CDC42BPA: variants seen among roughly 807,000 people sequenced by gnomAD.
The protein encoded by CDC42BPA is CDC42 binding protein kinase alpha, also known as serine/threonine-protein kinase MRCK alpha.
CDC42BPA carries 80 observed loss-of-function variants against 223.5 expected under a neutral mutation model. The observed-to-expected ratio is 0.36, with a 90% confidence interval of 0.30 to 0.43. CDC42BPA has a LOEUF of 0.43. Ranked by LOEUF, CDC42BPA falls within the 20% of genes least tolerant of loss-of-function variation. The probability of loss-of-function intolerance (pLI) is 1.00; values close to 1 mark genes in which losing one functional copy is unlikely to be tolerated. For missense variants in CDC42BPA, 1,743 were observed against 2,099.9 expected (o/e 0.83, Z 3.32); for synonymous variants, 694 against 718.6 (o/e 0.97, Z 0.55).
intron 8 of CDC42BPA, among the ~76,000 whole-genome samples, chr1:227,145,057 T>C (rs1317306930): frequency 6.6e-6 from 1 of 152,206 alleles, no homozygotes; most frequent in East Asian, 1.9e-4. Context: ...TCAGCAGTTT[T>C]TCACAAATAA....
At chr1:227,198,403 A>T (rs6669745) in intron 4 of CDC42BPA, among the ~76,000 whole-genome samples, 96,802 of 143,156 alleles carry the variant, frequency 0.68, 33,097 homozygotes, top group South Asian at 0.72. Flanking sequence ...TACAGCAGTT[A>T]GCTCTAATTG....
intron 1 of CDC42BPA, among the ~76,000 whole-genome samples, chr1:227,282,587 A>T (rs539273560): frequency 2.6e-5 from 4 of 152,358 alleles, no homozygotes; most frequent in African/African-American, 9.6e-5. Flanking sequence ...TTTTAAATGC[A>T]GATAAATAAT....
At chr1:227,199,074 C>CA (rs1474161936) in intron 4 of CDC42BPA, among the ~76,000 whole-genome samples, 1 of 150,728 alleles carries the variant, frequency 6.6e-6, no homozygotes, top group East Asian at 1.9e-4. Flanking sequence ...AAAGTTGTAT[C>CA]AAAAAAAATC....
At chr1:227,294,785 G>A (rs1690342908) in intron 1 of CDC42BPA, among the ~76,000 whole-genome samples, 1 of 76,828 alleles carries the variant, frequency 1.3e-5, no homozygotes, top group African/African-American at 5.3e-5. Context: ...GCGTGAACCC[G>A]GGAGGCGGAG....
chr1:227,019,516 C>A (rs779895723), intron 32 of CDC42BPA, among the ~76,000 whole-genome samples: 1 of 152,154 alleles, frequency 6.6e-6, no homozygotes, highest in Non-Finnish European at 1.5e-5. Context: ...ATGGTGAATC[C>A]TTTTCAGAAG....
intron 15 of CDC42BPA, among the ~76,000 whole-genome samples, chr1:227,092,346 T>C (rs1223327168): frequency 6.6e-6 from 1 of 152,190 alleles, no homozygotes; most frequent in Non-Finnish European, 1.5e-5. Flanking sequence ...TTTCAGATAA[T>C]AAGTTCTAAA....
intron 5 of CDC42BPA, among the ~76,000 whole-genome samples, chr1:227,163,741 AAAT>A (rs199504733): frequency 5.1e-5 from 7 of 135,930 alleles, no homozygotes; most frequent in Admixed American, 3.1e-4. Flanking sequence ...TAAAAAAAAA[AAAT>A]ATATATATAT....
At chr1:227,296,963 A>G (rs1690754366) in intron 1 of CDC42BPA, among the ~76,000 whole-genome samples, 1 of 152,184 alleles carries the variant, frequency 6.6e-6, no homozygotes, top group South Asian at 2.1e-4. Context: ...TGTATGAAGA[A>G]CTCTAACAAC....
intron 10 of CDC42BPA, among the ~76,000 whole-genome samples, chr1:227,130,633 T>C (rs982295802): frequency 6.6e-6 from 1 of 152,092 alleles, no homozygotes; most frequent in African/African-American, 2.4e-5. Flanking sequence ...GGCAGATGAA[T>C]CACCTGAGGT....
Position 226,994,177 on chromosome 1 carries a change from G to T in CDC42BPA, c.*91C>A. On this transcript the variant is annotated 3_prime_UTR_variant, in exon 37 of 37. Coordinates refer to ENST00000366766, the MANE Select transcript of CDC42BPA (RefSeq NM_001394014.1). This position sits in a 1 kb window ranked among gnomAD's most constrained non-coding sequence, Gnocchi z 4.0. ...TGCTGCCAGCCCCTGGTGGCTTTCA[G>T]GCCGAGCAGGCGAGGTGGAGGGAAG... 2 of 1,344,592 alleles carry T rather than the reference G, an allele frequency of 1.5e-6. No homozygotes were observed. Among genetic ancestry groups the T allele is most frequent in the Admixed American group, 2.2e-5 (1 of 45,422 alleles). 83.3% of individuals were successfully genotyped at this position (1,344,592 alleles called of 1,614,324 possible).
chr1:227,281,548 C>T (rs77218109), intron 1 of CDC42BPA, among the ~76,000 whole-genome samples: 6 of 152,126 alleles, frequency 3.9e-5, no homozygotes, highest in Non-Finnish European at 7.4e-5. Flanking sequence ...AGAGCCCCCA[C>T]GCTTGCCAGT....
chr1:227,168,739 C>T (rs998283836), intron 5 of CDC42BPA, among the ~76,000 whole-genome samples: 2 of 151,964 alleles, frequency 1.3e-5, no homozygotes, highest in Non-Finnish European at 2.9e-5. Context: ...CCTCGTGATC[C>T]ATCCGCCTCG....
chr1:227,185,394 T>C (rs1040559043), intron 5 of CDC42BPA, among the ~76,000 whole-genome samples: 6 of 152,148 alleles, frequency 3.9e-5, no homozygotes, highest in African/African-American at 1.4e-4. Context: ...CTCTTGCCCT[T>C]GCCCCCACAT....
chr1:227,109,632 C>T (rs1686575029), intron 14 of CDC42BPA, among the ~76,000 whole-genome samples: 1 of 152,092 alleles, frequency 6.6e-6, no homozygotes, highest in Non-Finnish European at 1.5e-5. Context: ...TCCCAAAGTG[C>T]TGGGATTACA....
chr1:227,213,499 T>G lies in CDC42BPA; in HGVS notation c.271-280A>C, dbSNP rs528032550. On this transcript the variant is annotated intron_variant, in intron 2 of 36. Coordinates refer to ENST00000366766, the MANE Select transcript of CDC42BPA (RefSeq NM_001394014.1). ...CACTGTATTAGTTGGTAATTACACATTAATCCCCCTTTCCAACTTTTCTGC... is the reference window on the plus strand; with the variant it reads ...CACTGTATTAGTTGGTAATTACACAGTAATCCCCCTTTCCAACTTTTCTGC... Among the ~76,000 whole-genome samples, 4 of 152,268 alleles carry G rather than the reference T, an allele frequency of 2.6e-5. No homozygotes were observed. The South Asian group carries it at 8.3e-4, about 32-fold the overall frequency.
intron 1 of CDC42BPA, among the ~76,000 whole-genome samples, chr1:227,263,107 CCTGTAATCCCAGCTACT>C (rs1684370806): frequency 6.6e-6 from 1 of 152,144 alleles, no homozygotes; most frequent in Admixed American, 6.5e-5. Context: ...GTGGCACACG[CCTGTAATCCCAGCTACT>C]TGGGAGGCTG....
intron 21 of CDC42BPA, among the ~76,000 whole-genome samples, chr1:227,056,267 A>G (rs1187280075): frequency 6.6e-6 from 1 of 152,224 alleles, no homozygotes; most frequent in Non-Finnish European, 1.5e-5. Context: ...AGTAAAAAAC[A>G]CCAAGATGTG....
chr1:227,111,520 T>C (rs1233712250), intron 14 of CDC42BPA, among the ~76,000 whole-genome samples: 1 of 152,182 alleles, frequency 6.6e-6, no homozygotes, highest in African/African-American at 2.4e-5. Flanking sequence ...GGAGTTTCGC[T>C]CTTGCCCAGG....
At chr1:227,063,972 C>A (rs1052870757) in intron 21 of CDC42BPA, among the ~76,000 whole-genome samples, 1 of 152,144 alleles carries the variant, frequency 6.6e-6, no homozygotes, top group African/African-American at 2.4e-5. Flanking sequence ...TTTGAAGCAT[C>A]TTAGTAAGAT....
Sources: allele counts gnomAD v4.1 joint callset (sites outside exome capture counted in the v4.1 genomes callset), GRCh38; gene constraint gnomAD v4.1.1; non-coding constraint Gnocchi (gnomAD v3.1); transcripts MANE v1.5; gene names NCBI Gene and HGNC (gene_info 2026-07-23, HGNC 2026-07-21).